VPS41: variants seen among roughly 807,000 people sequenced by gnomAD.
VPS41 encodes the protein VPS41 subunit of HOPS complex, also known as vacuolar protein sorting-associated protein 41 homolog.
Under a neutral mutation model 130.9 loss-of-function variants are expected in VPS41, and 85 were observed. The ratio of observed to expected loss-of-function variants is 0.65; its 90% CI spans 0.55 to 0.78. VPS41 has a LOEUF of 0.78. VPS41 is among the 30% of genes least tolerant of loss of function. The pLI is 0.00. For synonymous variants in VPS41, 335 were observed against 332.9 expected (o/e 1.01, Z -0.07); for missense variants, 874 against 1,018.7 (o/e 0.86, Z 1.93).
intron 25 of VPS41, chr7:38,741,195 TACC>T: frequency 4.3e-6 from 1 of 232,912 alleles, no homozygotes. Context: ...CTTTTGGCTT[TACC>T]TGCAAAAATT....
intron 2 of VPS41, among the ~76,000 whole-genome samples, chr7:38,876,917 A>G (rs1268452991): frequency 6.9e-6 from 1 of 145,366 alleles, no homozygotes; most frequent in Admixed American, 7.6e-5. Flanking sequence ...AGCGATAAGA[A>G]TATATAGAAG....
chr7:38,824,613 T>C (rs908433430), intron 5 of VPS41, among the ~76,000 whole-genome samples: 1 of 152,178 alleles, frequency 6.6e-6, no homozygotes, highest in African/African-American at 2.4e-5. Context: ...AAGAAAGATA[T>C]CTTTTTACCT....
chr7:38,867,982 C>T (rs117314456), intron 3 of VPS41, among the ~76,000 whole-genome samples: 282 of 152,306 alleles, frequency 1.9e-3, no homozygotes, highest in Non-Finnish European at 2.9e-3. Context: ...GAGATCAGGA[C>T]TCCATAAAGT....
At chr7:38,826,387 AG>A (rs1785277544) in intron 5 of VPS41, among the ~76,000 whole-genome samples, 1 of 152,222 alleles carries the variant, frequency 6.6e-6, no homozygotes, top group South Asian at 2.1e-4. Flanking sequence ...AAAGATTCAA[AG>A]GGAGAAAAAC....
intron 23 of VPS41, among the ~76,000 whole-genome samples, chr7:38,744,122 C>A (rs1795939903): frequency 6.6e-6 from 1 of 152,210 alleles, no homozygotes. Context: ...CAGGGGAAGG[C>A]CTTTCAATAA....
intron 1 of VPS41, among the ~76,000 whole-genome samples, chr7:38,900,507 A>G (rs1787118639): frequency 1.3e-5 from 2 of 152,208 alleles, no homozygotes; most frequent in African/African-American, 4.8e-5. Flanking sequence ...ATATGTAACA[A>G]AATTGCACCT....
chr7:38,874,188 C>A (rs188263556), intron 2 of VPS41, among the ~76,000 whole-genome samples: 1 of 151,194 alleles, frequency 6.6e-6, no homozygotes, highest in Non-Finnish European at 1.5e-5. Flanking sequence ...CTGTTACAGG[C>A]CAAATGAAGA....
chr7:38,838,595 A>G (rs1052246747), intron 4 of VPS41, among the ~76,000 whole-genome samples: 2 of 152,374 alleles, frequency 1.3e-5, no homozygotes, highest in Admixed American at 6.5e-5. Context: ...CTGACACTAT[A>G]GAACATACAA....
rs185247207 is a variant in VPS41, at chr7:38,776,789, G to C, written c.785-13C>G. 117 of 1,518,806 alleles carry C rather than the reference G, an allele frequency of 7.7e-5. No individual in the cohort carries two copies. The African/African-American group carries it at 1.3e-3, about 17-fold the overall frequency. The allele number at this position is 1,518,806 out of a possible 1,614,324, so 94.1% of individuals were successfully genotyped here. ...TCAAACTGAGACACTGCAAACAAAA[G>C]GGATACAGGAGTCATCATCAACAGG... On this transcript the variant is annotated splice_polypyrimidine_tract_variant and intron_variant, in intron 10 of 28. Coordinates refer to ENST00000310301, the MANE Select transcript of VPS41 (RefSeq NM_014396.4).
At chr7:38,785,498 TAAATGAC>T (rs1203183803) in intron 10 of VPS41, among the ~76,000 whole-genome samples, 6 of 152,242 alleles carry the variant, frequency 3.9e-5, no homozygotes, top group African/African-American at 1.4e-4. Flanking sequence ...TATTGTCAAT[TAAATGAC>T]AACACTAAGC....
intron 4 of VPS41, chr7:38,831,147 T>C (rs956771296): frequency 8.6e-6 from 4 of 467,116 alleles, no homozygotes; most frequent in Non-Finnish European, 8.8e-6. Flanking sequence ...CTTATTCAGA[T>C]CTTGAGTTCA....
intron 2 of VPS41, among the ~76,000 whole-genome samples, chr7:38,896,848 G>T (rs1401698805): frequency 6.6e-6 from 1 of 152,106 alleles, no homozygotes; most frequent in African/African-American, 2.4e-5. Flanking sequence ...AATATTAAAA[G>T]GAAAAATGTA....
intron 5 of VPS41, among the ~76,000 whole-genome samples, chr7:38,827,687 C>G (rs1244672776): frequency 6.6e-6 from 1 of 152,172 alleles, no homozygotes; most frequent in Non-Finnish European, 1.5e-5. Context: ...GCCCAGGCAG[C>G]TGGAATACAG....
At chr7:38,819,682 C>T (rs1410555137) in intron 6 of VPS41, among the ~76,000 whole-genome samples, 1 of 152,030 alleles carries the variant, frequency 6.6e-6, no homozygotes, top group South Asian at 2.1e-4. Context: ...TGTAGAAACC[C>T]TCTCTCCCCT....
intron 28 of VPS41, 29 bp from the exon 29 acceptor site, chr7:38,726,355 T>A: frequency 6.5e-7 from 1 of 1,548,058 alleles, no homozygotes; most frequent in Admixed American, 1.7e-5. Context: ...AACACATATT[T>A]AAAAAATGAT....
At chr7:38,732,683 T>A (rs900472076) in intron 25 of VPS41, among the ~76,000 whole-genome samples, 8 of 152,198 alleles carry the variant, frequency 5.3e-5, no homozygotes, top group Admixed American at 3.3e-4. Context: ...AAAAAAAAGA[T>A]AGGGCTATAA....
chr7:38,823,180 T>C (rs796986333), intron 5 of VPS41, among the ~76,000 whole-genome samples: 1 of 152,204 alleles, frequency 6.6e-6, no homozygotes, highest in South Asian at 2.1e-4. Flanking sequence ...ATAGGTGAGA[T>C]TGGTGCCCTT....
At chr7:38,891,420 G>C (rs981612137) in intron 2 of VPS41, among the ~76,000 whole-genome samples, 2 of 152,156 alleles carry the variant, frequency 1.3e-5, no homozygotes, top group African/African-American at 4.8e-5. Flanking sequence ...GTGGGGTAGA[G>C]AGAAACCAGT....
chr7:38,901,498 CAA>C (rs1787143390), intron 1 of VPS41, among the ~76,000 whole-genome samples: 1 of 152,090 alleles, frequency 6.6e-6, no homozygotes, highest in South Asian at 2.1e-4. Flanking sequence ...AGACAGGAAG[CAA>C]AAGAGGGCAA....
Sources: allele counts gnomAD v4.1 joint callset (sites outside exome capture counted in the v4.1 genomes callset), GRCh38; gene constraint gnomAD v4.1.1; transcripts MANE v1.5; gene names NCBI Gene and HGNC (gene_info 2026-07-23, HGNC 2026-07-21).